NGEF: variants seen among roughly 807,000 people sequenced by gnomAD.
The protein encoded by NGEF is neuronal guanine nucleotide exchange factor.
A neutral mutation model predicts 80.9 loss-of-function variants in NGEF; 31 were observed. That is an observed-to-expected ratio of 0.38 (90% CI 0.29 to 0.52). The LOEUF (loss-of-function observed/expected upper bound fraction) is 0.52. Among genes scored for constraint, NGEF ranks in the 20% least tolerant of loss-of-function variants. The pLI is 0.84. For missense variants in NGEF, 709 were observed against 926.2 expected (o/e 0.77, Z 3.04); for synonymous variants, 371 against 370.2 (o/e 1.00, Z -0.03).
At chr2:233,012,848 C>T (rs1243951119) in intron 1 of NGEF, 9 of 470,900 alleles carry the variant, frequency 1.9e-5, no homozygotes, top group South Asian at 1.1e-4. Flanking sequence ...ATCCTGATTC[C>T]CAGATGGTGA....
chr2:232,890,019 A>G (rs1691823808), intron 8 of NGEF, among the ~76,000 whole-genome samples: 1 of 105,528 alleles, frequency 9.5e-6, no homozygotes, highest in African/African-American at 3.0e-5. Context: ...GGGCCCCAGC[A>G]TCTGTCAGGC....
intron 5 of NGEF, among the ~76,000 whole-genome samples, chr2:232,910,073 C>T (rs1159512049): frequency 6.6e-6 from 1 of 152,088 alleles, no homozygotes; most frequent in Non-Finnish European, 1.5e-5. Context: ...TTTTGGTCTC[C>T]AGGGGACATT....
chr2:232,879,429 C>CG lies in NGEF; in HGVS notation c.*59_*60insC, dbSNP rs1466651281. 6.9e-7 allele frequency: 1 copy of CG among 1,456,144 alleles called. No homozygotes were observed. Among genetic ancestry groups the CG allele is most frequent in the Non-Finnish European group, 9.3e-7 (1 of 1,069,544 alleles). The allele number at this position is 1,456,144 out of a possible 1,614,324, so 90.2% of individuals were successfully genotyped here. Reference sequence around the variant, plus strand: ...GCCTGTGCTTCCCAGAGCCCCCCCCCCCCCACCTTCTGTCGGGGTCTCATG... The same window carrying CG: ...GCCTGTGCTTCCCAGAGCCCCCCCCCGCCCCACCTTCTGTCGGGGTCTCATG... On this transcript the variant is annotated 3_prime_UTR_variant, in exon 15 of 15. Coordinates refer to ENST00000264051, the MANE Select transcript of NGEF (RefSeq NM_019850.3).
At chr2:232,984,862 G>A (rs975025201) in intron 1 of NGEF, among the ~76,000 whole-genome samples, 27 of 152,242 alleles carry the variant, frequency 1.8e-4, no homozygotes, top group Non-Finnish European at 2.4e-4. Context: ...AGGGCTCGGA[G>A]CGTAAGATTG....
intron 1 of NGEF, among the ~76,000 whole-genome samples, chr2:233,000,676 C>T (rs764350440): frequency 6.6e-6 from 1 of 151,272 alleles, no homozygotes; most frequent in Non-Finnish European, 1.5e-5. Context: ...AGGAGAATGG[C>T]GTGAACCTGG....
At chr2:232,920,662 T>C in intron 4 of NGEF, 77 bp from the exon 5 acceptor site, 1 of 1,408,376 alleles carries the variant, frequency 7.1e-7, no homozygotes, top group Non-Finnish European at 9.5e-7. Context: ...AGTCAAGGCT[T>C]CGTGTTCTTA....
intron 1 of NGEF, among the ~76,000 whole-genome samples, chr2:233,008,932 C>T (rs1395018681): frequency 6.6e-6 from 1 of 151,980 alleles, no homozygotes; most frequent in African/African-American, 2.4e-5. Context: ...TCCCGAGTAG[C>T]TGGGATTACA....
At chr2:233,011,684 C>A (rs995778601) in intron 1 of NGEF, among the ~76,000 whole-genome samples, 1 of 152,128 alleles carries the variant, frequency 6.6e-6, no homozygotes, top group African/African-American at 2.4e-5. Context: ...GACTTCTGGG[C>A]TCAAGCAGCC....
intron 11 of NGEF, 59 bp downstream of exon 11, chr2:232,883,922 C>G: frequency 6.6e-7 from 1 of 1,507,126 alleles, no homozygotes; most frequent in Non-Finnish European, 8.9e-7. Flanking sequence ...CAATCAAACC[C>G]AATGCCCAAC....
chr2:232,900,803 C>T (rs1692328337), intron 5 of NGEF, among the ~76,000 whole-genome samples: 1 of 152,246 alleles, frequency 6.6e-6, no homozygotes, highest in Admixed American at 6.5e-5. Context: ...CTCACACACA[C>T]ACATGCTCTC....
chr2:232,971,150 T>C (rs952457507), intron 2 of NGEF, among the ~76,000 whole-genome samples: 1 of 152,204 alleles, frequency 6.6e-6, no homozygotes, highest in Non-Finnish European at 1.5e-5. Context: ...ACAGAGAATG[T>C]CCCACACCTT....
chr2:232,914,058 T>C (rs1692742993), intron 5 of NGEF, among the ~76,000 whole-genome samples: 1 of 152,250 alleles, frequency 6.6e-6, no homozygotes, highest in African/African-American at 2.4e-5. Context: ...GTCAGCAAAC[T>C]ACAGCCCATG....
intron 4 of NGEF, among the ~76,000 whole-genome samples, chr2:232,925,545 C>A (rs534676758): frequency 4.3e-4 from 66 of 152,280 alleles, no homozygotes; most frequent in Non-Finnish European, 9.1e-4. Flanking sequence ...CCCTGCCAGC[C>A]GGCTTCGGAC....
chr2:232,955,420 G>C (rs1004906942), intron 3 of NGEF, among the ~76,000 whole-genome samples: 1 of 152,164 alleles, frequency 6.6e-6, no homozygotes, highest in Admixed American at 6.5e-5. Flanking sequence ...GTCCTTTAGA[G>C]TAAAAAGACC....
Position 232,879,553 on chromosome 2 carries a change from A to G in NGEF, c.2069T>C (p.Met690Thr), listed in dbSNP as rs757186005. The G allele has an allele frequency of 1.2e-6, 2 of 1,613,818 alleles. No homozygotes were observed. Among genetic ancestry groups the G allele is most frequent in the Non-Finnish European group, 1.7e-6 (2 of 1,179,938 alleles). The change falls in exon 15 of 15, where the codon ATG becomes ACG. Residue 690 changes from methionine to threonine, a missense_variant. Coordinates refer to ENST00000264051, the MANE Select transcript of NGEF (RefSeq NM_019850.3). ...GTTCTGGCTGCGCTGAGGGTCATCC[A>G]TCTTGTGGACACGGAAACATTCCTT... is the stretch of plus-strand genomic sequence containing the variant. ...NLKECFRVHK[M>T]DDPQRSQNKD... is the part of the protein sequence containing the mutation.
intron 1 of NGEF, chr2:233,012,746 A>G: frequency 2.4e-6 from 1 of 420,896 alleles, no homozygotes; most frequent in South Asian, 1.8e-5. Flanking sequence ...GCATTTTTAT[A>G]TTGCACAGGG....
chr2:232,886,562 G>A (rs933679288), intron 9 of NGEF, among the ~76,000 whole-genome samples: 3 of 152,062 alleles, frequency 2.0e-5, no homozygotes, highest in Admixed American at 6.5e-5. Flanking sequence ...CATTTTCTGA[G>A]TTTCCTGGTA....
At chr2:232,976,397 T>G (rs1200217091) in intron 1 of NGEF, among the ~76,000 whole-genome samples, 1 of 152,058 alleles carries the variant, frequency 6.6e-6, no homozygotes, top group Admixed American at 6.5e-5. Context: ...CCCAAACACC[T>G]TCTTCTACAC....
chr2:232,980,220 C>A (rs1694385127), intron 1 of NGEF, among the ~76,000 whole-genome samples: 1 of 152,174 alleles, frequency 6.6e-6, no homozygotes, highest in Non-Finnish European at 1.5e-5. Flanking sequence ...CAGCACTGGG[C>A]TGCATGAATC....
Sources: gnomAD v4.1 joint callset for allele counts (sites outside exome capture counted in the v4.1 genomes callset) on GRCh38, gnomAD v4.1.1 for gene constraint, MANE v1.5 for transcripts, NCBI Gene and HGNC (gene_info 2026-07-23, HGNC 2026-07-21) for gene names.